ARHGAP28: variants seen among roughly 807,000 people sequenced by gnomAD.
ARHGAP28 encodes Rho GTPase activating protein 28.
A neutral mutation model predicts 90.7 loss-of-function variants in ARHGAP28; 56 were observed. The observed-to-expected ratio is 0.62, with a 90% confidence interval of 0.50 to 0.77. The LOEUF (loss-of-function observed/expected upper bound fraction) is 0.77. Among genes scored for constraint, ARHGAP28 ranks in the 30% least tolerant of loss-of-function variants. The probability of loss-of-function intolerance (pLI) is 0.00; values close to 1 mark genes in which losing one functional copy is unlikely to be tolerated. For missense variants in ARHGAP28, 869 were observed against 900.9 expected, an observed-to-expected ratio of 0.96 and a Z score of 0.45; for synonymous variants, 308 against 323.3, an observed-to-expected ratio of 0.95 and a Z score of 0.51.
chr18:6,896,879 A>G, intron 16 of ARHGAP28: 1 of 331,588 alleles, frequency 3.0e-6, no homozygotes, highest in Non-Finnish European at 5.4e-6. Context: ...TCGTAGCTTC[A>G]TTTATTCAGT....
intron 1 of ARHGAP28, among the ~76,000 whole-genome samples, chr18:6,747,775 T>C (rs900039839): frequency 6.6e-6 from 1 of 152,170 alleles, no homozygotes; most frequent in Non-Finnish European, 1.5e-5. Flanking sequence ...GGAATCATAG[T>C]GGTTCAGCCA....
chr18:6,876,528 G>A (rs537393005), intron 10 of ARHGAP28, among the ~76,000 whole-genome samples: 1 of 152,292 alleles, frequency 6.6e-6, no homozygotes, highest in Non-Finnish European at 1.5e-5. Flanking sequence ...ACTGCTGCTT[G>A]CCTTTAGTTT....
chr18:6,752,486 C>T (rs938082048), intron 1 of ARHGAP28, among the ~76,000 whole-genome samples: 13 of 152,170 alleles, frequency 8.5e-5, no homozygotes, highest in Non-Finnish European at 1.9e-4. Flanking sequence ...TTTCTTGGTT[C>T]TCTTTCTCTA....
intron 1 of ARHGAP28, among the ~76,000 whole-genome samples, chr18:6,781,551 A>T (rs972604839): frequency 6.6e-6 from 1 of 152,176 alleles, no homozygotes; most frequent in Admixed American, 6.5e-5. Context: ...GTCTCTGCCC[A>T]TTCTTCTTGC....
intron 2 of ARHGAP28, among the ~76,000 whole-genome samples, chr18:6,828,381 A>G (rs1026449219): frequency 3.5e-5 from 5 of 144,584 alleles, no homozygotes; most frequent in Non-Finnish European, 7.4e-5. Flanking sequence ...AGGGAGAGAC[A>G]GAGGAGGAGA....
At chr18:6,896,273 T>C (rs555321546) in intron 15 of ARHGAP28, among the ~76,000 whole-genome samples, 14 of 152,208 alleles carry the variant, frequency 9.2e-5, no homozygotes, top group Non-Finnish European at 1.8e-4. Flanking sequence ...TTTAAGTCAT[T>C]ATAGCAAGAC....
chr18:6,869,253 C>CTTTTTTTT (rs61280250), intron 6 of ARHGAP28, among the ~76,000 whole-genome samples: 3 of 68,040 alleles, frequency 4.4e-5, no homozygotes, highest in African/African-American at 1.1e-4. Context: ...TTTTGCCATT[C>CTTTTTTTT]TTTTTTTTTT....
At chr18:6,876,327 C>A in intron 10 of ARHGAP28, 119 bp downstream of exon 10, 1 of 695,892 alleles carries the variant, frequency 1.4e-6, no homozygotes, top group South Asian at 2.0e-5. Flanking sequence ...TTGGTCCTTC[C>A]TAGTATTCCT....
chr18:6,882,458 A>C (rs1193730704), intron 11 of ARHGAP28, 159 bp downstream of exon 11: 1 of 625,260 alleles, frequency 1.6e-6, no homozygotes, highest in Non-Finnish European at 2.6e-6. Context: ...TCACCTACTT[A>C]CATACTTATA....
intron 3 of ARHGAP28, among the ~76,000 whole-genome samples, chr18:6,850,408 C>T (rs1434309668): frequency 6.6e-6 from 1 of 152,160 alleles, no homozygotes; most frequent in Non-Finnish European, 1.5e-5. Context: ...TTAGATCAGA[C>T]TTAGACAATT....
chr18:6,892,507 T>G (rs1490502326), intron 14 of ARHGAP28, among the ~76,000 whole-genome samples: 4 of 152,224 alleles, frequency 2.6e-5, no homozygotes, highest in Non-Finnish European at 5.9e-5. Context: ...CTTTAGAAAC[T>G]GTTGCTTTTT....
At chr18:6,852,565 A>C (rs918604732) in intron 4 of ARHGAP28, among the ~76,000 whole-genome samples, 3 of 152,058 alleles carry the variant, frequency 2.0e-5, no homozygotes, top group African/African-American at 7.2e-5. Flanking sequence ...TTCTTTTTTA[A>C]ATCACAAAAC....
At chr18:6,774,178 G>C (rs2056265512) in intron 1 of ARHGAP28, 1 of 152,094 alleles carries the variant, frequency 6.6e-6, no homozygotes, top group Admixed American at 6.6e-5. Flanking sequence ...ACTTGCAGAG[G>C]GGTTTTGTGG....
intron 1 of ARHGAP28, among the ~76,000 whole-genome samples, chr18:6,784,925 T>C (rs2056354382): frequency 6.6e-6 from 1 of 152,222 alleles, no homozygotes; most frequent in Admixed American, 6.5e-5. Context: ...TAGCAGTCCA[T>C]GGAGTCAGAG....
intron 1 of ARHGAP28, among the ~76,000 whole-genome samples, chr18:6,780,278 C>T (rs1389168611): frequency 6.6e-6 from 1 of 152,062 alleles, no homozygotes; most frequent in South Asian, 2.1e-4. Context: ...TTGAACCAAC[C>T]TTGAATCAAA....
At chr18:6,870,855 C>A in intron 7 of ARHGAP28, 123 bp downstream of exon 7, 4 of 1,039,388 alleles carry the variant, frequency 3.8e-6, no homozygotes, top group Non-Finnish European at 5.4e-6. Flanking sequence ...GGCTGGAGTG[C>A]AGTGGCGCGA....
chr18:6,738,602 A>G (rs1183665688), intron 1 of ARHGAP28, among the ~76,000 whole-genome samples: 3 of 113,594 alleles, frequency 2.6e-5, no homozygotes, highest in East Asian at 2.5e-4. Flanking sequence ...AAAATTCTCA[A>G]CATCCTAAAA....
intron 2 of ARHGAP28, among the ~76,000 whole-genome samples, chr18:6,835,687 C>T (rs1312358413): frequency 6.6e-6 from 1 of 152,080 alleles, no homozygotes; most frequent in East Asian, 1.9e-4. Flanking sequence ...TGTTACAGGA[C>T]ACTGTTATTC....
chr18:6,818,161 T>C (rs1287660196), intron 1 of ARHGAP28, among the ~76,000 whole-genome samples: 1 of 152,146 alleles, frequency 6.6e-6, no homozygotes, highest in Non-Finnish European at 1.5e-5. Flanking sequence ...GTTTAGGAAA[T>C]GGAGTCACAG....
Sources: gnomAD v4.1 joint callset for allele counts (sites outside exome capture counted in the v4.1 genomes callset) on GRCh38, gnomAD v4.1.1 for gene constraint, MANE v1.5 for transcripts, NCBI Gene and HGNC (gene_info 2026-07-23, HGNC 2026-07-21) for gene names.